PRPF18: variants seen among roughly 807,000 people sequenced by gnomAD.
The protein encoded by PRPF18 is pre-mRNA-splicing factor 18.
PRPF18 carries 38 observed loss-of-function variants against 46.5 expected under a neutral mutation model. That is an observed-to-expected ratio of 0.82 (90% CI 0.63 to 1.07). The LOEUF (loss-of-function observed/expected upper bound fraction) is 1.07, where lower values mean the gene tolerates loss of function less well. PRPF18 is among the 50% of genes least tolerant of loss of function. The pLI, the probability that PRPF18 is intolerant of heterozygous loss-of-function variation, is 0.00. For synonymous variants in PRPF18, 152 were observed against 146.7 expected (o/e 1.04, Z -0.26); for missense variants, 263 against 410.0 (o/e 0.64, Z 3.10).
intron 4 of PRPF18, among the ~76,000 whole-genome samples, chr10:13,607,146 C>T (rs1434471304): frequency 1.3e-5 from 2 of 152,162 alleles, no homozygotes; most frequent in Non-Finnish European, 2.9e-5. Flanking sequence ...CGCTGGAATG[C>T]GGTGGCATAA....
downstream of PRPF18, chr10:13,631,937 A>G (rs1268053010): frequency 6.6e-6 from 1 of 152,350 alleles, no homozygotes; most frequent in Admixed American, 6.5e-5. Flanking sequence ...CCTAGACAGG[A>G]TCGTTTCTGA....
intron 1 of PRPF18, among the ~76,000 whole-genome samples, chr10:13,589,273 C>T (rs1310635424): frequency 2.0e-5 from 3 of 152,116 alleles, no homozygotes; most frequent in Non-Finnish European, 4.4e-5. Flanking sequence ...CATGGTTTGC[C>T]GGGTGTTCTT....
chr10:13,587,050 T>A lies in PRPF18; in HGVS notation c.-37T>A, dbSNP rs779150942. ...CCCAGTGAGGCTGGGTTCGAGGAGCTGGAGCGGGAAACTGGAGCTTAAATT... is the reference window on the plus strand; with the variant it reads ...CCCAGTGAGGCTGGGTTCGAGGAGCAGGAGCGGGAAACTGGAGCTTAAATT... On this transcript the variant is annotated 5_prime_UTR_variant, in exon 1 of 10. Coordinates refer to ENST00000378572, the MANE Select transcript of PRPF18 (RefSeq NM_003675.4). 3.7e-6 allele frequency: 6 copies of A among 1,606,952 alleles called. No individual in the cohort carries two copies. The highest frequency in any genetic ancestry group is 5.1e-6 in the Non-Finnish European group (6 of 1,173,532).
intron 8 of PRPF18, among the ~76,000 whole-genome samples, chr10:13,615,478 G>T (rs1188669999): frequency 6.6e-6 from 1 of 152,026 alleles, no homozygotes; most frequent in Non-Finnish European, 1.5e-5. Context: ...TTATAAAACC[G>T]GTGAGCAGAG....
At chr10:13,651,489 TTGAGACTATC>T in the PRPF18 span, 1 of 174,530 alleles carries the variant, frequency 5.7e-6, no homozygotes, top group Non-Finnish European at 1.2e-5. Flanking sequence ...AGTCAGGAGT[TTGAGACTATC>T]CTGGCCAACA....
chr10:13,607,735 G>T (rs2080211464), intron 4 of PRPF18, among the ~76,000 whole-genome samples: 1 of 152,030 alleles, frequency 6.6e-6, no homozygotes, highest in Non-Finnish European at 1.5e-5. Flanking sequence ...TCCTTTTATG[G>T]TCATTGCTTT....
intron 1 of PRPF18, among the ~76,000 whole-genome samples, 166 bp from the exon 2 acceptor site, chr10:13,597,292 C>G (rs2080049523): frequency 6.6e-6 from 1 of 152,062 alleles, no homozygotes; most frequent in East Asian, 1.9e-4. Flanking sequence ...TGTTGATGTG[C>G]TTGGGGAATC....
At chr10:13,632,936 A>G (rs1205605623), downstream of PRPF18, 1 of 152,206 alleles carries the variant, frequency 6.6e-6, no homozygotes, top group Non-Finnish European at 1.5e-5. Flanking sequence ...ACTCCTATCC[A>G]TTAAGAGTTG....
chr10:13,623,169 C>T (rs892813354), intron 9 of PRPF18, among the ~76,000 whole-genome samples: 1 of 152,046 alleles, frequency 6.6e-6, no homozygotes, highest in South Asian at 2.1e-4. Context: ...CCACTGCACT[C>T]CAGCCTGGGT....
intron 1 of PRPF18, among the ~76,000 whole-genome samples, chr10:13,593,568 G>C (rs760209743): frequency 3.7e-4 from 56 of 152,316 alleles, no homozygotes; most frequent in Admixed American, 5.9e-4. Context: ...GCAGAGTCTT[G>C]AGCATACTTA....
chr10:13,610,321 A>G (rs2080252563), intron 5 of PRPF18, 136 bp downstream of exon 5: 5 of 979,798 alleles, frequency 5.1e-6, no homozygotes, highest in Non-Finnish European at 5.7e-6. Flanking sequence ...CCTCGCTTTT[A>G]TTTATTTACT....
At chr10:13,602,973 C>T (rs1203687056) in intron 3 of PRPF18, among the ~76,000 whole-genome samples, 1 of 152,246 alleles carries the variant, frequency 6.6e-6, no homozygotes, top group Non-Finnish European at 1.5e-5. Context: ...TTCAGGTGAT[C>T]TGCTCGCCTC....
intron 9 of PRPF18, among the ~76,000 whole-genome samples, chr10:13,619,138 C>G (rs1397293208): frequency 2.0e-5 from 3 of 152,226 alleles, no homozygotes; most frequent in African/African-American, 7.2e-5. Flanking sequence ...AGCTTAGGTG[C>G]TAATTCTCTT....
chr10:13,587,026 C>G lies in PRPF18; in HGVS notation c.-61C>G. 1 of 1,561,822 alleles carries G rather than the reference C, an allele frequency of 6.4e-7. No homozygotes were observed. The highest frequency in any genetic ancestry group is 1.1e-5 in the South Asian group (1 of 90,026). On this transcript the variant is annotated 5_prime_UTR_variant, in exon 1 of 10. Transcript: ENST00000378572. ...ACTCAGTGGGTTCGCGGCCGCCGGCCCAGTGAGGCTGGGTTCGAGGAGCTG... is the reference window on the plus strand; with the variant it reads ...ACTCAGTGGGTTCGCGGCCGCCGGCGCAGTGAGGCTGGGTTCGAGGAGCTG...
the PRPF18 span, chr10:13,651,885 A>G: frequency 1.4e-6 from 2 of 1,380,880 alleles, no homozygotes; most frequent in Non-Finnish European, 2.1e-6. Flanking sequence ...AGTAGGAACA[A>G]AACTCCCCTT....
chr10:13,601,723 C>G (rs571203363), intron 3 of PRPF18, among the ~76,000 whole-genome samples: 6 of 152,266 alleles, frequency 3.9e-5, no homozygotes, highest in Admixed American at 1.3e-4. Context: ...GTCTGTTTCT[C>G]AATTTCCTTA....
the PRPF18 span, among the ~76,000 whole-genome samples, chr10:13,649,965 C>CT: frequency 2.0e-5 from 3 of 152,314 alleles, no homozygotes; most frequent in South Asian, 6.2e-4. Flanking sequence ...AGAAGAGCAG[C>CT]TTAGCCCTGG....
chr10:13,622,414 C>T (rs2080433029), intron 9 of PRPF18, among the ~76,000 whole-genome samples: 1 of 152,188 alleles, frequency 6.6e-6, no homozygotes, highest in African/African-American at 2.4e-5. Flanking sequence ...TAGAGTATTA[C>T]ATCTTACATT....
At chr10:13,615,595 A>G (rs554604585) in intron 8 of PRPF18, among the ~76,000 whole-genome samples, 126 of 152,184 alleles carry the variant, frequency 8.3e-4, no homozygotes, top group African/African-American at 2.9e-3. Flanking sequence ...TAGGTGTCTG[A>G]TTTTTTTAAA....
Sources: allele counts gnomAD v4.1 joint callset (sites outside exome capture counted in the v4.1 genomes callset), GRCh38; gene constraint gnomAD v4.1.1; transcripts MANE v1.5; gene names NCBI Gene and HGNC (gene_info 2026-07-23, HGNC 2026-07-21).